AGBL4: variants seen among roughly 807,000 people sequenced by gnomAD.
The protein encoded by AGBL4 is AGBL carboxypeptidase 4, also known as cytosolic carboxypeptidase 6.
In AGBL4, 58 loss-of-function variants were observed where a neutral mutation model predicts 66.4. The ratio of observed to expected loss-of-function variants is 0.87; its 90% CI spans 0.71 to 1.09. The LOEUF (loss-of-function observed/expected upper bound fraction) is 1.09, where lower values mean the gene tolerates loss of function less well. Ranked by LOEUF, AGBL4 falls within the 50% of genes least tolerant of loss-of-function variation. The pLI is 0.00. For synonymous variants in AGBL4, 234 were observed against 222.9 expected, an observed-to-expected ratio of 1.05 and a Z score of -0.44; for missense variants, 579 against 631.0, an observed-to-expected ratio of 0.92 and a Z score of 0.88.
the AGBL4 span, among the ~76,000 whole-genome samples, chr1:48,522,881 G>A: frequency 1.3e-5 from 2 of 151,016 alleles, no homozygotes; most frequent in African/African-American, 2.4e-5. Flanking sequence ...AGCCGAGATC[G>A]TGCCACTGCG....
At chr1:48,699,428 C>T (rs1014993271) in intron 6 of AGBL4, among the ~76,000 whole-genome samples, 2 of 152,188 alleles carry the variant, frequency 1.3e-5, no homozygotes, top group Non-Finnish European at 2.9e-5. Context: ...GTACAAGATA[C>T]TGTTTGCTGT....
intron 1 of AGBL4, among the ~76,000 whole-genome samples, chr1:49,987,076 T>C (rs1308543158): frequency 6.6e-6 from 1 of 151,998 alleles, no homozygotes; most frequent in African/African-American, 2.4e-5. Context: ...CTATGTATAA[T>C]ACAGCCACTC....
At chr1:49,733,853 C>T (rs1468624021) in intron 2 of AGBL4, among the ~76,000 whole-genome samples, 6 of 152,204 alleles carry the variant, frequency 3.9e-5, no homozygotes, top group African/African-American at 1.2e-4. Context: ...TAATATGCCT[C>T]ATAATAATAG....
At chr1:49,198,585 C>G (rs1647420341) in intron 4 of AGBL4, among the ~76,000 whole-genome samples, 1 of 152,102 alleles carries the variant, frequency 6.6e-6, no homozygotes, top group African/African-American at 2.4e-5. Context: ...GGTGATCCAT[C>G]CACCTCAGCC....
chr1:49,141,891 G>A (rs950824721), intron 4 of AGBL4, among the ~76,000 whole-genome samples: 1 of 152,204 alleles, frequency 6.6e-6, no homozygotes, highest in South Asian at 2.1e-4. Flanking sequence ...GCTTTATAAA[G>A]TCAGAAAAGT....
At chr1:49,225,058 T>C (rs1285388120) in intron 4 of AGBL4, among the ~76,000 whole-genome samples, 1 of 152,202 alleles carries the variant, frequency 6.6e-6, no homozygotes, top group Admixed American at 6.5e-5. Context: ...GATGCCAATA[T>C]GATAACAACG....
At chr1:49,688,573 C>T (rs920449304) in intron 3 of AGBL4, among the ~76,000 whole-genome samples, 1 of 152,096 alleles carries the variant, frequency 6.6e-6, no homozygotes, top group African/African-American at 2.4e-5. Flanking sequence ...ATACTGATTT[C>T]CTTTCTTGGG....
chr1:49,645,882 G>T (rs1241110938), intron 3 of AGBL4, among the ~76,000 whole-genome samples: 1 of 150,264 alleles, frequency 6.7e-6, no homozygotes, highest in African/African-American at 2.4e-5. Flanking sequence ...AAATAGTTAA[G>T]CTAATTCACC....
chr1:49,056,625 G>A (rs756532335), intron 4 of AGBL4, among the ~76,000 whole-genome samples: 2 of 152,140 alleles, frequency 1.3e-5, no homozygotes, highest in African/African-American at 2.4e-5. Flanking sequence ...GTTAGAAAGT[G>A]GGGGAGGGTA....
intron 4 of AGBL4, among the ~76,000 whole-genome samples, chr1:49,118,373 T>C (rs112556382): frequency 0.028 from 4,201 of 152,278 alleles, 169 homozygotes; most frequent in African/African-American, 0.096. Context: ...TGGCTCTTAT[T>C]AATTTGAGAT....
At chr1:49,429,827 A>C (rs1344450190) in intron 3 of AGBL4, among the ~76,000 whole-genome samples, 22 of 151,412 alleles carry the variant, frequency 1.5e-4, no homozygotes, top group Admixed American at 1.4e-3. Flanking sequence ...GACACAGTAA[A>C]GTATTTGCAG....
chr1:48,979,068 A>T (rs1659553856), intron 5 of AGBL4, among the ~76,000 whole-genome samples: 1 of 152,136 alleles, frequency 6.6e-6, no homozygotes, highest in Non-Finnish European at 1.5e-5. Context: ...AAAAGCTGGA[A>T]AACATAAATG....
At chr1:49,580,569 G>A (rs951272552) in intron 3 of AGBL4, among the ~76,000 whole-genome samples, 30 of 152,134 alleles carry the variant, frequency 2.0e-4, no homozygotes, top group African/African-American at 7.0e-4. Flanking sequence ...AGCATTTCTT[G>A]TAGAACTGGA....
chr1:49,270,867 A>G (rs1440793005), intron 3 of AGBL4, among the ~76,000 whole-genome samples: 1 of 152,222 alleles, frequency 6.6e-6, no homozygotes, highest in Non-Finnish European at 1.5e-5. Context: ...ACAATTGACG[A>G]GAATATCAAA....
chr1:49,680,991 C>T (rs1201706920), intron 3 of AGBL4, among the ~76,000 whole-genome samples: 1 of 151,994 alleles, frequency 6.6e-6, no homozygotes, highest in Non-Finnish European at 1.5e-5. Context: ...CTTTGTCCTC[C>T]CCATTCTATT....
chr1:48,615,670 A>G (rs1645307038), intron 9 of AGBL4, among the ~76,000 whole-genome samples: 1 of 152,216 alleles, frequency 6.6e-6, no homozygotes, highest in African/African-American at 2.4e-5. Flanking sequence ...TATTTCAACA[A>G]TCTTAAATCT....
At chr1:48,849,501 T>C (rs568394806) in intron 6 of AGBL4, among the ~76,000 whole-genome samples, 13 of 152,224 alleles carry the variant, frequency 8.5e-5, no homozygotes, top group Non-Finnish European at 1.8e-4. Context: ...CAGTTTACAC[T>C]CTGGCACCAG....
intron 4 of AGBL4, among the ~76,000 whole-genome samples, chr1:49,084,045 C>T (rs983905508): frequency 1.3e-5 from 2 of 152,176 alleles, no homozygotes; most frequent in South Asian, 4.1e-4. Context: ...CATCTGAGAC[C>T]ACCTCAGCCT....
intron 3 of AGBL4, among the ~76,000 whole-genome samples, chr1:49,402,218 GT>G (rs1449217699): frequency 1.3e-5 from 2 of 151,842 alleles, no homozygotes; most frequent in Non-Finnish European, 2.9e-5. Flanking sequence ...TTTTAATAAT[GT>G]TGGCTTTGGT....
Sources: gnomAD v4.1 joint callset for allele counts (sites outside exome capture counted in the v4.1 genomes callset) on GRCh38, gnomAD v4.1.1 for gene constraint, MANE v1.5 for transcripts, NCBI Gene and HGNC (gene_info 2026-07-23, HGNC 2026-07-21) for gene names.